KIF26B: variants seen among roughly 807,000 people sequenced by gnomAD.
KIF26B encodes kinesin family member 26B, also known as kinesin-like protein KIF26B.
A neutral mutation model predicts 151.2 loss-of-function variants in KIF26B; 63 were observed. The observed-to-expected ratio is 0.42, with a 90% CI of 0.34 to 0.51. The LOEUF is 0.51. Ranked by LOEUF, KIF26B falls within the 20% of genes least tolerant of loss-of-function variation. KIF26B has a pLI of 0.07. For synonymous variants in KIF26B, 1,357 were observed against 1,262.1 expected (o/e 1.08, Z -1.59); for missense variants, 2,813 against 2,913.6 (o/e 0.97, Z 0.79).
At chr1:245,678,192 C>T (rs1359587151) in intron 10 of KIF26B, among the ~76,000 whole-genome samples, 1 of 151,978 alleles carries the variant, frequency 6.6e-6, no homozygotes. Context: ...TTCTGTCCCC[C>T]TCTGGTGTTG....
intron 3 of KIF26B, among the ~76,000 whole-genome samples, chr1:245,378,839 C>T (rs1400489886): frequency 2.0e-5 from 3 of 152,154 alleles, no homozygotes; most frequent in East Asian, 3.8e-4. Flanking sequence ...TGACCTCAAG[C>T]GGGCTTCTTA....
In KIF26B at chr1:245,652,137, TGTGTGTGTGAGA is replaced by T. The variant is rs1475082077; in HGVS notation, c.2258+5859_2258+5870del. On this transcript the variant is annotated intron_variant, in intron 10 of 14. Coordinates refer to ENST00000407071, the MANE Select transcript of KIF26B (RefSeq NM_018012.4). ...GTGTGTGTGTGTGTGTGTGTGTGTG[TGTGTGTGTGAGA>T]GAGACATATGCATATTTAACCTCCT... is the stretch of plus-strand genomic sequence containing the variant. Among the ~76,000 whole-genome samples, 289 of 95,922 alleles carry T rather than the reference TGTGTGTGTGAGA, an allele frequency of 3.0e-3. 2 individuals carry two copies. Among genetic ancestry groups the T allele is most frequent in the African/African-American group, 7.9e-3 (241 of 30,466 alleles). The allele number at this position is 95,922 out of a possible 152,430, so 62.9% of individuals were successfully genotyped here.
At chr1:245,309,784 A>G (rs1342047883) in intron 2 of KIF26B, among the ~76,000 whole-genome samples, 1 of 147,522 alleles carries the variant, frequency 6.8e-6, no homozygotes, top group Non-Finnish European at 1.5e-5. Flanking sequence ...CAGACATTCC[A>G]TATGCAAAGA....
intron 2 of KIF26B, among the ~76,000 whole-genome samples, chr1:245,339,243 G>T (rs150627996): frequency 0.044 from 6,770 of 152,288 alleles, 207 homozygotes; most frequent in East Asian, 0.11. Flanking sequence ...CTCCCAAAGT[G>T]CTGGAATTAC....
chr1:245,592,298 A>C (rs968177926), intron 5 of KIF26B, among the ~76,000 whole-genome samples: 4 of 152,190 alleles, frequency 2.6e-5, no homozygotes, highest in African/African-American at 9.6e-5. Flanking sequence ...TGCCCGCCCC[A>C]GTCTCCTGAG....
At chr1:245,582,573 AGTGTGGGGTCT>A (rs1482237902) in intron 5 of KIF26B, among the ~76,000 whole-genome samples, 1 of 152,112 alleles carries the variant, frequency 6.6e-6, no homozygotes, top group African/African-American at 2.4e-5. Context: ...AAATATATAC[AGTGTGGGGTCT>A]GTTTTGTGCA....
intron 7 of KIF26B, among the ~76,000 whole-genome samples, chr1:245,608,707 C>A (rs1477743435): frequency 6.6e-6 from 1 of 152,132 alleles, no homozygotes; most frequent in Non-Finnish European, 1.5e-5. Context: ...TTGGGGTCCT[C>A]CTCAAGGTAC....
intron 10 of KIF26B, among the ~76,000 whole-genome samples, chr1:245,668,194 C>T (rs927145195): frequency 2.6e-5 from 4 of 152,272 alleles, no homozygotes; most frequent in East Asian, 1.9e-4. Context: ...CCAAGCCCGG[C>T]CCCCTATTTC....
At chr1:245,356,670 T>C (rs1172840377) in intron 2 of KIF26B, among the ~76,000 whole-genome samples, 1 of 152,244 alleles carries the variant, frequency 6.6e-6, no homozygotes, top group African/African-American at 2.4e-5. Context: ...ACATGGCTTC[T>C]GTGTGCCTAC....
chr1:245,453,016 C>G (rs1489044594), intron 4 of KIF26B, among the ~76,000 whole-genome samples: 1 of 152,036 alleles, frequency 6.6e-6, no homozygotes, highest in Non-Finnish European at 1.5e-5. Flanking sequence ...TCCTAAGTTG[C>G]AAAGATTTAC....
At chr1:245,261,522 TCTCTCTCCCTCTCTCCCC>T (rs1670645048) in intron 2 of KIF26B, among the ~76,000 whole-genome samples, 1 of 126,218 alleles carries the variant, frequency 7.9e-6, no homozygotes, top group Non-Finnish European at 1.7e-5. Context: ...CCTCCCTCCC[TCTCTCTCCCTCTCTCCCC>T]CTCTCTCCCT....
Position 245,649,022 on chromosome 1 carries a change from C to T in KIF26B, c.2258+2742C>T, listed in dbSNP as rs539680006. Among the ~76,000 whole-genome samples, 4 of 152,298 alleles carry T rather than the reference C, an allele frequency of 2.6e-5. No individual in the cohort carries two copies. In the East Asian group the frequency reaches 5.8e-4, roughly 22 times the overall value. ...GCTGGGTTGCCTGGTGCTGGAAACA[C>T]GGTGGCCCTGGCCATCCAGCCAGCG... On this transcript the variant is annotated intron_variant, in intron 10 of 14. Transcript: ENST00000407071.
chr1:245,416,649 G>T (rs997712672), intron 3 of KIF26B, among the ~76,000 whole-genome samples: 1 of 152,192 alleles, frequency 6.6e-6, no homozygotes, highest in African/African-American at 2.4e-5. Context: ...AAGGCTTCTC[G>T]GAGGAAGTGA....
intron 4 of KIF26B, among the ~76,000 whole-genome samples, chr1:245,431,210 G>A (rs1184879402): frequency 1.3e-5 from 2 of 152,132 alleles, no homozygotes; most frequent in Admixed American, 6.6e-5. Flanking sequence ...ACAGAGTCTC[G>A]CTCCGTCGCC....
chr1:245,372,319 G>A (rs1673148098), intron 3 of KIF26B, among the ~76,000 whole-genome samples: 1 of 152,126 alleles, frequency 6.6e-6, no homozygotes, highest in Non-Finnish European at 1.5e-5. Flanking sequence ...GCTGGTCCCT[G>A]GTGCCAAAAA....
At chr1:245,628,600 T>C (rs2043748477) in intron 9 of KIF26B, among the ~76,000 whole-genome samples, 1 of 152,192 alleles carries the variant, frequency 6.6e-6, no homozygotes, top group African/African-American at 2.4e-5. Flanking sequence ...TGATGGAACG[T>C]TTCTCAAAAT....
chr1:245,203,255 A>AAAAAAAAAAAAAAAAAAAG (rs61541280), intron 2 of KIF26B, among the ~76,000 whole-genome samples: 1 of 129,746 alleles, frequency 7.7e-6, no homozygotes, highest in Non-Finnish European at 1.6e-5. Context: ...TCAAAAAAAA[A>AAAAAAAAAAAAAAAAAAAG]AAAAGAAAAT....
At chr1:245,599,299 C>T (rs760033735) in intron 5 of KIF26B, among the ~76,000 whole-genome samples, 17 of 152,156 alleles carry the variant, frequency 1.1e-4, no homozygotes, top group East Asian at 5.8e-4. Flanking sequence ...TTTATTTAGA[C>T]GCATTGCAAA....
intron 5 of KIF26B, among the ~76,000 whole-genome samples, chr1:245,562,888 C>T (rs1409140998): frequency 6.6e-6 from 1 of 151,770 alleles, no homozygotes; most frequent in Non-Finnish European, 1.5e-5. Context: ...TTGTGTTATT[C>T]TTTGTAAGAG....
Sources: gnomAD v4.1 joint callset for allele counts (sites outside exome capture counted in the v4.1 genomes callset) on GRCh38, gnomAD v4.1.1 for gene constraint, MANE v1.5 for transcripts, NCBI Gene and HGNC (gene_info 2026-07-23, HGNC 2026-07-21) for gene names.